FGF13: variants seen among roughly 807,000 people sequenced by gnomAD.
The protein encoded by FGF13 is fibroblast growth factor 13.
A neutral mutation model predicts 19.5 loss-of-function variants in FGF13; 2 were observed. The observed-to-expected ratio is 0.10, with a 90% CI of 0.04 to 0.32. The LOEUF (loss-of-function observed/expected upper bound fraction) is 0.32, where lower values mean the gene tolerates loss of function less well. FGF13 is among the 10% of genes least tolerant of loss of function. The pLI is 1.00. For synonymous variants in FGF13, 72 were observed against 76.9 expected, an observed-to-expected ratio of 0.94 and a Z score of 0.33; for missense variants, 113 against 192.7, an observed-to-expected ratio of 0.59 and a Z score of 2.45.
At chrX:138,779,134 G>T (rs2090616517) in intron 3 of FGF13, among the ~76,000 whole-genome samples, 1 of 110,863 alleles carries the variant, frequency 9.0e-6, no homozygotes, top group Admixed American at 9.6e-5. Context: ...CTAACAAACA[G>T]AAAGGACATC....
At chrX:138,912,738 C>T (rs1385642883) in intron 1 of FGF13, among the ~76,000 whole-genome samples, 5 of 111,775 alleles carry the variant, frequency 4.5e-5, no homozygotes, top group Non-Finnish European at 9.4e-5. Context: ...ATTTATGTAA[C>T]TGCAAAGATG....
chrX:138,654,426 A>G lies in FGF13; in HGVS notation c.403-18771T>C, dbSNP rs17001777. 1.7e-3 allele frequency among the ~76,000 whole-genome samples: 191 copies of G among 112,025 alleles called. 1 individual carries two copies. Among genetic ancestry groups the G allele is most frequent in the African/African-American group, 6.0e-3 (184 of 30,815 alleles). On this transcript the variant is annotated intron_variant, in intron 3 of 4. Transcript: ENST00000315930. ...CATCAAATCTGCTTCAAGGTGAGTG[A>G]TTTAGGCTTTTGGTTTTCAAAATGG...
At chrX:138,907,305 A>G (rs1230528919) in intron 1 of FGF13, among the ~76,000 whole-genome samples, 1 of 111,900 alleles carries the variant, frequency 8.9e-6, no homozygotes, top group Non-Finnish European at 1.9e-5. Flanking sequence ...ATTCTGACCT[A>G]TCTCAATTGC....
intron 1 of FGF13, among the ~76,000 whole-genome samples, chrX:138,995,916 C>T (rs1412315029): frequency 8.9e-6 from 1 of 111,877 alleles, no homozygotes; most frequent in Admixed American, 9.5e-5. Context: ...CTAATTTACA[C>T]TTGGAGGGAG....
At chrX:139,111,234 G>A (rs1230412025) in intron 1 of FGF13, among the ~76,000 whole-genome samples, 1 of 111,505 alleles carries the variant, frequency 9.0e-6, no homozygotes, top group East Asian at 2.8e-4. Flanking sequence ...AGCGGCCTCT[G>A]GCCAATCACA....
chrX:138,708,587 T>C (rs1185629509), intron 2 of FGF13, among the ~76,000 whole-genome samples: 2 of 112,168 alleles, frequency 1.8e-5, no homozygotes. Context: ...TCCATGGAGA[T>C]GACATTTGGA....
At chrX:138,836,728 A>T (rs2091114582) in intron 3 of FGF13, among the ~76,000 whole-genome samples, 1 of 111,920 alleles carries the variant, frequency 8.9e-6, no homozygotes, top group African/African-American at 3.2e-5. Context: ...CCCAGTTCCG[A>T]ACCCTTGTTG....
At position 138,711,715 on chromosome X, in the gene FGF13, G is replaced by C. The variant is rs1161588111; in HGVS notation, c.-712C>G. ...CCGCAGGCACCCTCCGGAACAGCGC[G>C]ACAGCCTCCTTGCAGCCCCCTCCCG... On this transcript the variant is annotated 5_prime_UTR_variant, in exon 1 of 5. Transcript: ENST00000315930. The C allele has an allele frequency of 2.7e-6, 2 of 749,433 alleles. No homozygotes were observed. Among genetic ancestry groups the C allele is most frequent in the East Asian group, 1.5e-4 (1 of 6,464 alleles). The allele number at this position is 749,433 out of a possible 1,213,427, so 61.8% of individuals were successfully genotyped here. A position where few individuals can be genotyped will look rare whatever the true frequency, so the allele number is the denominator to read the frequency against.
chrX:138,740,941 G>T (rs2090314374), upstream of FGF13, among the ~76,000 whole-genome samples: 1 of 112,627 alleles, frequency 8.9e-6, no homozygotes, highest in South Asian at 3.6e-4. Context: ...AAGCACAGAT[G>T]ATCAGATTCA....
At chrX:138,676,437 A>C (rs2089667106) in intron 3 of FGF13, among the ~76,000 whole-genome samples, 1 of 111,709 alleles carries the variant, frequency 9.0e-6, no homozygotes, top group African/African-American at 3.3e-5. Context: ...ATGTCCAGTA[A>C]AGATTTATCT....
At chrX:138,862,949 C>T (rs1278086970) in intron 2 of FGF13, among the ~76,000 whole-genome samples, 3 of 110,943 alleles carry the variant, frequency 2.7e-5, no homozygotes, top group Non-Finnish European at 5.7e-5. Flanking sequence ...AACTCCCTAC[C>T]ATGCTGGCCC....
chrX:138,888,033 T>C (rs1258618602), intron 1 of FGF13, among the ~76,000 whole-genome samples: 1 of 112,523 alleles, frequency 8.9e-6, no homozygotes, highest in Non-Finnish European at 1.9e-5. Flanking sequence ...TTGAATTATG[T>C]TACATTTGTA....
intron 1 of FGF13, among the ~76,000 whole-genome samples, chrX:139,004,342 G>A (rs1045220942): frequency 1.8e-4 from 20 of 112,826 alleles, no homozygotes; most frequent in African/African-American, 6.1e-4. Context: ...CCAAGCCCAC[G>A]CCCACCCGGA....
Position 139,045,263 on chromosome X carries a change from G to A in FGF13, c.-113+158153C>T, listed in dbSNP as rs143204297. ...AGGATATGGGGTGCAGTGTCCTGAG[G>A]GTGTGCAGAGCAGTGAAGCCCTGGG... On this transcript the variant is annotated intron_variant, in intron 1 of 2. Coordinates refer to the FGF13 transcript ENST00000421460. Among the ~76,000 whole-genome samples the A allele has an allele frequency of 7.4e-4, 83 of 112,278 alleles. 1 individual carries two copies. Among genetic ancestry groups the A allele is most frequent in the Non-Finnish European group, 1.4e-3 (75 of 53,234 alleles).
intron 1 of FGF13, among the ~76,000 whole-genome samples, chrX:139,195,313 A>C (rs2084363352): frequency 8.9e-6 from 1 of 112,103 alleles, no homozygotes; most frequent in Admixed American, 9.4e-5. Context: ...GAGCTCTTGG[A>C]AGCCTTAATG....
At chrX:139,131,384 TGTGTGTG>T (rs1569456242) in intron 1 of FGF13, among the ~76,000 whole-genome samples, 102 of 3,003 alleles carry the variant, frequency 0.034, no homozygotes, top group African/African-American at 0.085. Flanking sequence ...TATAGAGGGG[TGTGTGTG>T]TGTGTGTGTG....
intron 1 of FGF13, among the ~76,000 whole-genome samples, chrX:138,869,328 G>A (rs941074244): frequency 9.8e-5 from 11 of 112,246 alleles, no homozygotes; most frequent in Admixed American, 4.7e-4. Context: ...GAAATATGAA[G>A]TATGTGTATG....
intron 1 of FGF13, among the ~76,000 whole-genome samples, chrX:139,193,096 C>G (rs1181601423): frequency 9.1e-6 from 1 of 110,423 alleles, no homozygotes; most frequent in African/African-American, 3.3e-5. Context: ...TGGGGTATGA[C>G]TGTCCAATGC....
intron 1 of FGF13, among the ~76,000 whole-genome samples, chrX:139,170,280 A>G (rs146857133): frequency 0.018 from 1,987 of 111,143 alleles, 44 homozygotes; most frequent in African/African-American, 0.062. Context: ...AGCCTTTCTC[A>G]TTTATGCTAA....
Sources: gnomAD v4.1 joint callset for allele counts (sites outside exome capture counted in the v4.1 genomes callset) on GRCh38, gnomAD v4.1.1 for gene constraint, MANE v1.5 for transcripts, NCBI Gene and HGNC (gene_info 2026-07-23, HGNC 2026-07-21) for gene names.